GALNT18: variants seen among roughly 807,000 people sequenced by gnomAD.
GALNT18 encodes polypeptide N-acetylgalactosaminyltransferase 18, also known as GalNAc-transferase 18.
A neutral mutation model predicts 69.5 loss-of-function variants in GALNT18; 44 were observed. The ratio of observed to expected loss-of-function variants is 0.63; its 90% CI spans 0.50 to 0.81. The LOEUF (loss-of-function observed/expected upper bound fraction) is 0.81, where lower values mean the gene tolerates loss of function less well. Ranked by LOEUF, GALNT18 falls within the 40% of genes least tolerant of loss-of-function variation. The pLI, the probability that GALNT18 is intolerant of heterozygous loss-of-function variation, is 0.00. For missense variants in GALNT18, 715 were observed against 810.0 expected, an observed-to-expected ratio of 0.88 and a Z score of 1.42; for synonymous variants, 364 against 318.2, an observed-to-expected ratio of 1.14 and a Z score of -1.53.
chr11:11,473,723 T>C (rs1036279658), intron 1 of GALNT18, among the ~76,000 whole-genome samples: 43 of 152,346 alleles, frequency 2.8e-4, no homozygotes, highest in African/African-American at 9.1e-4. Context: ...TTAAGCTAAC[T>C]GAACACCTAT....
At chr11:11,388,851 T>G (rs111285175) in intron 3 of GALNT18, among the ~76,000 whole-genome samples, 2,975 of 152,330 alleles carry the variant, frequency 0.02, 97 homozygotes, top group African/African-American at 0.067. Flanking sequence ...GTTACCACCC[T>G]GCAAACAATA....
chr11:11,410,410 T>TG (rs536544224), intron 3 of GALNT18, among the ~76,000 whole-genome samples: 57 of 152,140 alleles, frequency 3.7e-4, no homozygotes, highest in Middle Eastern at 3.4e-3. Flanking sequence ...TGTGGAATAT[T>TG]GGGGGGAAGG....
chr11:11,381,948 C>T (rs1327324434), intron 3 of GALNT18, among the ~76,000 whole-genome samples: 1 of 152,134 alleles, frequency 6.6e-6, no homozygotes, highest in Non-Finnish European at 1.5e-5. Flanking sequence ...TTGTTCTGGT[C>T]CGGTGCTGGG....
intron 1 of GALNT18, among the ~76,000 whole-genome samples, chr11:11,487,439 AAT>A (rs1312503975): frequency 3.0e-4 from 45 of 152,330 alleles, no homozygotes; most frequent in African/African-American, 1.0e-3. Flanking sequence ...TAAAATAAAA[AAT>A]AGTTTTATAT....
intron 10 of GALNT18, among the ~76,000 whole-genome samples, chr11:11,275,631 G>A (rs528386059): frequency 4.9e-4 from 75 of 152,254 alleles, no homozygotes; most frequent in African/African-American, 1.7e-3. Flanking sequence ...GAATGGTACT[G>A]CCCAGGTTTT....
Position 11,540,319 on chromosome 11 carries a change from G to A in GALNT18, c.235+81040C>T, listed in dbSNP as rs1038980065. Among the ~76,000 whole-genome samples the A allele has an allele frequency of 1.3e-5, 2 of 152,142 alleles. No individual in the cohort carries two copies. The highest frequency in any genetic ancestry group is 4.8e-5 in the African/African-American group (2 of 41,410). On this transcript the variant is annotated intron_variant, in intron 1 of 10. Transcript: ENST00000227756. The surrounding 1 kb of genome is among the most constrained non-coding windows in gnomAD (Gnocchi z 4.6). The stretch of plus-strand genomic sequence containing the variant: ...AGGATAAATGTTTTTCTTCGTCGTT[G>A]CCATGGAAACTTGTGACTCCTACAT...
rs1850139193 is a variant in GALNT18, at chr11:11,337,847, A to T, written c.1278+2972T>A. ...AGGGAGTGGTAGGCAGTGGGATTAA[A>T]ATACAGGCAGTGGGGTTAAAATACA... On this transcript the variant is annotated intron_variant, in intron 7 of 10. Transcript: ENST00000227756. This position sits in a 1 kb window ranked among gnomAD's most constrained non-coding sequence, Gnocchi z 4.9. Among the ~76,000 whole-genome samples the T allele has an allele frequency of 6.6e-6, 1 of 152,204 alleles. No individual in the cohort carries two copies. Among genetic ancestry groups the T allele is most frequent in the African/African-American group, 2.4e-5 (1 of 41,450 alleles).
chr11:11,397,966 G>C (rs1272396519), intron 3 of GALNT18, among the ~76,000 whole-genome samples: 2 of 152,298 alleles, frequency 1.3e-5, no homozygotes, highest in Non-Finnish European at 2.9e-5. Context: ...TTGCATCCAT[G>C]CCTGGGAGAC....
At position 11,339,138 on chromosome 11, in the gene GALNT18, A is replaced by G. The variant is rs904181762; in HGVS notation, c.1278+1681T>C. Among the ~76,000 whole-genome samples the G allele has an allele frequency of 2.0e-5, 3 of 152,084 alleles. No homozygotes were observed. Among genetic ancestry groups the G allele is most frequent in the African/African-American group, 7.2e-5 (3 of 41,398 alleles). On this transcript the variant is annotated intron_variant, in intron 7 of 10. Coordinates refer to ENST00000227756, the MANE Select transcript of GALNT18 (RefSeq NM_198516.3). The surrounding 1 kb of genome is among the most constrained non-coding windows in gnomAD (Gnocchi z 5.2). ...GACATTTGGACACAGGGAACAGGAG[A>G]GGAAAGAGAATTATTTTCGGAAACA...
At chr11:11,352,280 T>C in intron 6 of GALNT18, 1 of 1,614,094 alleles carries the variant, frequency 6.2e-7, no homozygotes, top group Non-Finnish European at 8.5e-7. Flanking sequence ...AGCGTTCCCA[T>C]CGCTTTCGAG....
At position 11,469,123 on chromosome 11, in the gene GALNT18, C is replaced by A. The variant is rs1856218536; in HGVS notation, c.236-20187G>T. The stretch of plus-strand genomic sequence containing the variant: ...AACCACGTCACTGTGAATCAGCCAG[C>A]TCTGATGATATTATTTTTTGGATCC... On this transcript the variant is annotated intron_variant, in intron 1 of 10. Coordinates refer to ENST00000227756, the MANE Select transcript of GALNT18 (RefSeq NM_198516.3). This position sits in a 1 kb window ranked among gnomAD's most constrained non-coding sequence, Gnocchi z 4.2. 6.6e-6 allele frequency among the ~76,000 whole-genome samples: 1 copy of A among 152,204 alleles called. No individual in the cohort carries two copies. The highest frequency in any genetic ancestry group is 2.4e-5 in the African/African-American group (1 of 41,454).
rs1041882656 is a variant in GALNT18, at chr11:11,540,316, G to A, written c.235+81043C>T. Among the ~76,000 whole-genome samples, 6 of 152,092 alleles carry A rather than the reference G, an allele frequency of 3.9e-5. No homozygotes were observed. Among genetic ancestry groups the A allele is most frequent in the Admixed American group, 1.3e-4 (2 of 15,276 alleles). On this transcript the variant is annotated intron_variant, in intron 1 of 10. Coordinates refer to ENST00000227756, the MANE Select transcript of GALNT18 (RefSeq NM_198516.3). This position sits in a 1 kb window ranked among gnomAD's most constrained non-coding sequence, Gnocchi z 4.6. ...TGCAGGATAAATGTTTTTCTTCGTCGTTGCCATGGAAACTTGTGACTCCTA... is the reference window on the plus strand; with the variant it reads ...TGCAGGATAAATGTTTTTCTTCGTCATTGCCATGGAAACTTGTGACTCCTA...
In GALNT18 at chr11:11,605,425, C is replaced by T. The variant is rs1319567323; in HGVS notation, c.235+15934G>A. Among the ~76,000 whole-genome samples the T allele has an allele frequency of 6.6e-6, 1 of 152,210 alleles. No individual in the cohort carries two copies. The highest frequency in any genetic ancestry group is 1.5e-5 in the Non-Finnish European group (1 of 68,034). On this transcript the variant is annotated intron_variant, in intron 1 of 10. Transcript: ENST00000227756. This position sits in a 1 kb window ranked among gnomAD's most constrained non-coding sequence, Gnocchi z 4.7. ...GTCTCCTGAGTGCGAAACAGCAAGT[C>T]CTAACTTGCCAGGCCGCCAGTCACC...
rs546083973 is a variant in GALNT18 at position 11,397,590 on chromosome 11, A to G, written c.596-18326T>C. ...GTGATTCTCATGCCTCAGCCTCCCAAGTAGCTGGGACTACAGCCGCCCACC... is the reference window on the plus strand; with the variant it reads ...GTGATTCTCATGCCTCAGCCTCCCAGGTAGCTGGGACTACAGCCGCCCACC... On this transcript the variant is annotated intron_variant, in intron 3 of 10. Transcript: ENST00000227756. 2.6e-5 allele frequency among the ~76,000 whole-genome samples: 4 copies of G among 152,270 alleles called. No individual in the cohort carries two copies. In the East Asian group the frequency reaches 7.7e-4, roughly 29 times the overall value.
intron 10 of GALNT18, among the ~76,000 whole-genome samples, chr11:11,278,062 C>A (rs1322280886): frequency 1.3e-5 from 2 of 150,826 alleles, no homozygotes; most frequent in Admixed American, 1.3e-4. Context: ...TCCCTGTTAA[C>A]CTTTTGCCTC....
At chr11:11,392,136 T>C (rs929339821) in intron 3 of GALNT18, among the ~76,000 whole-genome samples, 1 of 152,186 alleles carries the variant, frequency 6.6e-6, no homozygotes, top group Non-Finnish European at 1.5e-5. Flanking sequence ...CACTGGACTG[T>C]GAGCTCCTTA....
At chr11:11,273,143 C>T (rs748155479) in intron 10 of GALNT18, among the ~76,000 whole-genome samples, 3 of 152,138 alleles carry the variant, frequency 2.0e-5, no homozygotes, top group Non-Finnish European at 2.9e-5. Context: ...TTGATCTGGG[C>T]AACAATTTCT....
chr11:11,518,072 T>C (rs1443523477), intron 1 of GALNT18, among the ~76,000 whole-genome samples: 4 of 152,144 alleles, frequency 2.6e-5, no homozygotes, highest in African/African-American at 9.7e-5. Flanking sequence ...GGCAGAGCCC[T>C]AAAGATACCA....
Position 11,605,237 on chromosome 11 carries a change from C to T in GALNT18, c.235+16122G>A, listed in dbSNP as rs1859720865. On this transcript the variant is annotated intron_variant, in intron 1 of 10. Transcript: ENST00000227756. This position sits in a 1 kb window ranked among gnomAD's most constrained non-coding sequence, Gnocchi z 4.7. ...GACCCACACTCATGGGTGGGTGATT[C>T]CCCAGGTGGCCAGCAGATAACTTGG... Among the ~76,000 whole-genome samples the T allele has an allele frequency of 1.3e-5, 2 of 152,150 alleles. No individual in the cohort carries two copies. The highest frequency in any genetic ancestry group is 2.9e-5 in the Non-Finnish European group (2 of 68,030).
Sources: allele counts gnomAD v4.1 joint callset (sites outside exome capture counted in the v4.1 genomes callset), GRCh38; gene constraint gnomAD v4.1.1; non-coding constraint Gnocchi (gnomAD v3.1); transcripts MANE v1.5; gene names NCBI Gene and HGNC (gene_info 2026-07-23, HGNC 2026-07-21).